SCAF4: variants seen among roughly 807,000 people sequenced by gnomAD.
SCAF4 encodes SR-related CTD associated factor 4.
A neutral mutation model predicts 129.8 loss-of-function variants in SCAF4; 25 were observed. The ratio of observed to expected loss-of-function variants is 0.19; its 90% CI spans 0.14 to 0.27. The LOEUF is 0.27. Among genes scored for constraint, SCAF4 ranks in the 10% least tolerant of loss-of-function variants. SCAF4 has a pLI of 1.00. For missense variants in SCAF4, 1,246 were observed against 1,457.1 expected, an observed-to-expected ratio of 0.86 and a Z score of 2.36; for synonymous variants, 551 against 497.7, an observed-to-expected ratio of 1.11 and a Z score of -1.43.
intron 1 of SCAF4, among the ~76,000 whole-genome samples, chr21:31,718,282 T>A (rs910292908): frequency 1.3e-5 from 2 of 151,848 alleles, no homozygotes; most frequent in Non-Finnish European, 2.9e-5. Flanking sequence ...AAAGAAAGTG[T>A]CCCTTTAATT....
intron 19 of SCAF4, among the ~76,000 whole-genome samples, chr21:31,674,579 G>A (rs2049802088): frequency 6.6e-6 from 1 of 152,090 alleles, no homozygotes; most frequent in African/African-American, 2.4e-5. Context: ...AACATGTAAT[G>A]CTTTTATAAC....
Position 31,696,641 on chromosome 21 carries a change from G to A in SCAF4, c.887C>T (p.Pro296Leu). ...TTTAPAAAVPPAPTATVPAAA... is the reference protein window; with the variant it reads ...TTTAPAAAVPLAPTATVPAAA... The stretch of plus-strand genomic sequence containing the variant: ...AGCAGGCACGGTGGCGGTGGGTGCA[G>A]GGGGTACTGCGGCAGCAGGTGCTGT... The change falls in exon 8 of 20, where the codon CCT becomes CTT. Residue 296 changes from proline (P) to leucine (L), a missense_variant. Transcript: ENST00000286835. 1 of 1,614,002 alleles carries A rather than the reference G, an allele frequency of 6.2e-7. No homozygotes were observed. Among genetic ancestry groups the A allele is most frequent in the Non-Finnish European group, 8.5e-7 (1 of 1,179,934 alleles).
At chr21:31,675,710 GAAAA>G (rs2049836678) in intron 19 of SCAF4, among the ~76,000 whole-genome samples, 1 of 152,142 alleles carries the variant, frequency 6.6e-6, no homozygotes, top group African/African-American at 2.4e-5. Context: ...GGGAAGTATG[GAAAA>G]CACACTGGAG....
intron 1 of SCAF4, among the ~76,000 whole-genome samples, chr21:31,726,013 C>A (rs2051193403): frequency 6.7e-6 from 1 of 149,666 alleles, no homozygotes; most frequent in South Asian, 2.1e-4. Context: ...ATATAATAAC[C>A]AATAGATAGA....
intron 1 of SCAF4, among the ~76,000 whole-genome samples, chr21:31,708,403 G>GAAAAGA (rs2050720707): frequency 6.7e-6 from 1 of 150,066 alleles, no homozygotes; most frequent in Admixed American, 6.6e-5. Context: ...GAAAAGAAAA[G>GAAAAGA]AAAAGAAAAA....
At chr21:31,696,821 C>T in intron 7 of SCAF4, 71 bp from the exon 8 acceptor site, 2 of 1,318,718 alleles carry the variant, frequency 1.5e-6, no homozygotes, top group Non-Finnish European at 2.1e-6. Context: ...TTTATGAAAA[C>T]AAGGGATGTT....
intron 7 of SCAF4, among the ~76,000 whole-genome samples, chr21:31,698,646 A>C (rs919033437): frequency 6.6e-5 from 10 of 152,162 alleles, no homozygotes; most frequent in Admixed American, 3.3e-4. Flanking sequence ...ACTCTGAGTA[A>C]AGCAGATTAC....
chr21:31,703,522 A>G (rs1252965986), intron 4 of SCAF4, among the ~76,000 whole-genome samples: 1 of 152,074 alleles, frequency 6.6e-6, no homozygotes, highest in Non-Finnish European at 1.5e-5. Context: ...ACCACTATTA[A>G]ACTCTTTGAT....
intron 1 of SCAF4, among the ~76,000 whole-genome samples, chr21:31,731,194 C>G (rs1312076429): frequency 1.3e-5 from 2 of 151,986 alleles, no homozygotes; most frequent in East Asian, 3.9e-4. Context: ...AACAGGAGAG[C>G]TGAAGCCACC....
chr21:31,671,652 C>G lies in SCAF4; in HGVS notation c.3191G>C (p.Arg1064Thr). 6.2e-7 allele frequency: 1 copy of G among 1,614,066 alleles called. No homozygotes were observed. Among genetic ancestry groups the G allele is most frequent in the Non-Finnish European group, 8.5e-7 (1 of 1,179,956 alleles). The change falls in exon 20 of 20, where the codon AGA (arginine) becomes ACA (threonine). Residue 1064 changes from arginine to threonine, a missense_variant. Transcript: ENST00000286835. Reference sequence around the variant, plus strand: ...CTTCTCTCTACGAGACTCTCTATCTCTAGAATCTCTCTCTCTGTCTCGATG... The same window carrying G: ...CTTCTCTCTACGAGACTCTCTATCTGTAGAATCTCTCTCTCTGTCTCGATG... ...SGHRDRERDS[R>T]DRESRREKEE...
chr21:31,701,566 G>T (rs2050532768), intron 6 of SCAF4, among the ~76,000 whole-genome samples: 1 of 152,178 alleles, frequency 6.6e-6, no homozygotes, highest in Non-Finnish European at 1.5e-5. Context: ...CTTCAAAGAG[G>T]TACTGTCATT....
At chr21:31,721,356 G>A (rs921858997) in intron 1 of SCAF4, among the ~76,000 whole-genome samples, 14 of 152,124 alleles carry the variant, frequency 9.2e-5, no homozygotes, top group Non-Finnish European at 1.9e-4. Flanking sequence ...AGTCATGTAT[G>A]GCCATTAAAG....
At chr21:31,681,761 G>T (rs796814948) in intron 19 of SCAF4, among the ~76,000 whole-genome samples, 7 of 152,228 alleles carry the variant, frequency 4.6e-5, no homozygotes, top group African/African-American at 1.4e-4. Context: ...AAATTCAGTA[G>T]TACAACTCAA....
At chr21:31,722,395 A>T (rs2051091057) in intron 1 of SCAF4, among the ~76,000 whole-genome samples, 1 of 152,186 alleles carries the variant, frequency 6.6e-6, no homozygotes. Flanking sequence ...AGCTGTGTCC[A>T]ATTTTTCTGA....
chr21:31,700,906 A>G (rs780066360), intron 7 of SCAF4, 89 bp downstream of exon 7: 9 of 1,319,296 alleles, frequency 6.8e-6, no homozygotes, highest in Non-Finnish European at 8.8e-6. Flanking sequence ...CATAATGAAC[A>G]ATCCACAGAA....
At position 31,671,979 on chromosome 21, in the gene SCAF4, G is replaced by A. The variant is rs368484072; in HGVS notation, c.2864C>T (p.Ala955Val). Residue 955 changes from alanine (A) to valine (V), a missense_variant, in exon 20 of 20, where the codon GCG becomes GTG. Around this residue, in one of 6 missense-constraint regions of SCAF4, gnomAD observed 339 missense variants for 325.0 expected, o/e 1.04. Transcript: ENST00000286835. Reference sequence around the variant, plus strand: ...CTGCTGCTGCTGTGGTTGCTGGGGCGCCTGCGGCTGTGGCTGCTGCTGTGG... The same window carrying A: ...CTGCTGCTGCTGTGGTTGCTGGGGCACCTGCGGCTGTGGCTGCTGCTGTGG... ...QQPQQQPQPQ[A>V]PQQPQQQQQQ... The A allele has an allele frequency of 1.6e-5, 25 of 1,610,020 alleles. No homozygotes were observed. The highest frequency in any genetic ancestry group is 1.1e-4 in the African/African-American group (8 of 74,804).
chr21:31,671,379 A>G lies in SCAF4; in HGVS notation c.*20T>C. 2.5e-6 allele frequency: 4 copies of G among 1,607,068 alleles called. No individual in the cohort carries two copies. The highest frequency in any genetic ancestry group is 2.0e-4 in the Middle Eastern group (1 of 4,886). ...ACACTCCAGGAAGTGTCACTGTCAC[A>G]TTTTCACAAATTCCAGTCTCTAACG... On this transcript the variant is annotated 3_prime_UTR_variant, in exon 20 of 20. Coordinates refer to ENST00000286835, the MANE Select transcript of SCAF4 (RefSeq NM_020706.2).
chr21:31,701,779 T>C lies in SCAF4; in HGVS notation c.597A>G (p.Gln199=), dbSNP rs548369648. 2.9e-5 allele frequency: 47 copies of C among 1,606,416 alleles called. No homozygotes were observed. In the African/African-American group the frequency reaches 4.3e-4, roughly 15 times the overall value. ...VAQLFQTTQG[Q]QLQQILQTFQ... ...CACTTTTGAGTAGACAGTTTACCTG[T>C]TGGCCTTGAGTTGTCTGAAACAGCT... The change falls in exon 6 of 20, where the codon CAA becomes CAG. Residue 199 remains glutamine (Q), a synonymous_variant. Transcript: ENST00000286835.
intron 7 of SCAF4, among the ~76,000 whole-genome samples, chr21:31,697,833 T>C (rs978907218): frequency 6.6e-6 from 1 of 152,258 alleles, no homozygotes; most frequent in Non-Finnish European, 1.5e-5. Flanking sequence ...TATGTTTCTT[T>C]GTAGTTCTAG....
Sources: gnomAD v4.1 joint callset for allele counts (sites outside exome capture counted in the v4.1 genomes callset) on GRCh38, gnomAD v4.1.1 for gene constraint, gnomAD v4.1.1 regional missense constraint, MANE v1.5 for transcripts, NCBI Gene and HGNC (gene_info 2026-07-23, HGNC 2026-07-21) for gene names.